Variants in CATSPERE observed in about 807,000 individuals in gnomAD.
The protein encoded by CATSPERE is cation channel sperm-associated auxiliary subunit epsilon.
CATSPERE carries 93 observed loss-of-function variants against 114.1 expected under a neutral mutation model. That is an observed-to-expected ratio of 0.81 (90% CI 0.69 to 0.97). The LOEUF is 0.97. Ranked by LOEUF, CATSPERE falls within the 50% of genes least tolerant of loss-of-function variation. The pLI is 0.00. For synonymous variants in CATSPERE, 341 were observed against 384.1 expected, an observed-to-expected ratio of 0.89 and a Z score of 1.31; for missense variants, 1,058 against 1,131.6, an observed-to-expected ratio of 0.93 and a Z score of 0.93.
At chr1:244,625,422 A>ATTTTTTTTTTTTT (rs1349807713) in intron 20 of CATSPERE, among the ~76,000 whole-genome samples, 1 of 4,040 alleles carries the variant, frequency 2.5e-4, no homozygotes, top group Non-Finnish European at 7.0e-4. Flanking sequence ...ATATATATAT[A>ATTTTTTTTTTTTT]TATATATATA....
upstream of CATSPERE, among the ~76,000 whole-genome samples, chr1:244,452,368 T>C (rs991339775): frequency 1.3e-5 from 2 of 152,240 alleles, no homozygotes; most frequent in Non-Finnish European, 2.9e-5. Context: ...AAGGAATGAA[T>C]GTGTACAAAA....
At chr1:244,621,315 A>AATATATATATATATATAT (rs201672348) in intron 20 of CATSPERE, among the ~76,000 whole-genome samples, 5 of 26,314 alleles carry the variant, frequency 1.9e-4, no homozygotes, top group African/African-American at 4.8e-4. Context: ...AAATATATAA[A>AATATATATATATATATAT]ATATATATAT....
intron 11 of CATSPERE, among the ~76,000 whole-genome samples, 154 bp from the exon 12 acceptor site, chr1:244,581,642 C>G (rs977022131): frequency 1.3e-5 from 2 of 152,276 alleles, no homozygotes; most frequent in Admixed American, 1.3e-4. Context: ...ATCCACCAGT[C>G]AATCTTGTTG....
chr1:244,451,638 G>A (rs534306896), upstream of CATSPERE: 2 of 1,608,992 alleles, frequency 1.2e-6, no homozygotes, highest in East Asian at 2.2e-5. The surrounding 1 kb of genome is among the most constrained non-coding windows in gnomAD (Gnocchi z 6.6). Context: ...GCCTCACCTG[G>A]CAGCGGCACA....
intron 10 of CATSPERE, among the ~76,000 whole-genome samples, chr1:244,564,313 T>G (rs1663067278): frequency 6.6e-6 from 1 of 152,220 alleles, no homozygotes; most frequent in Non-Finnish European, 1.5e-5. Flanking sequence ...CTGATGGGGA[T>G]AGCATTGAAT....
intron 13 of CATSPERE, 135 bp from the exon 14 acceptor site, chr1:244,588,347 G>T: frequency 1.5e-6 from 1 of 669,248 alleles, no homozygotes; most frequent in South Asian, 1.8e-5. Flanking sequence ...AAACAGTGCA[G>T]AGCAGTGGTA....
chr1:244,457,513 G>C (rs1666265637), upstream of CATSPERE: 1 of 152,152 alleles, frequency 6.6e-6, no homozygotes, highest in Non-Finnish European at 1.5e-5. Flanking sequence ...GGAGGAGAGA[G>C]AGAAGAGACA....
At chr1:244,548,020 G>A (rs1385640087) in intron 8 of CATSPERE, among the ~76,000 whole-genome samples, 2 of 152,224 alleles carry the variant, frequency 1.3e-5, no homozygotes, top group African/African-American at 2.4e-5. Flanking sequence ...GGATGATTAG[G>A]TACTTCAAAA....
chr1:244,560,968 A>G lies in CATSPERE; in HGVS notation c.1330A>G (p.Ser444Gly). ...CTTTACATTAGATGCCCCTATTGAC[A>G]GTGTTACCATGCCACATTTTACATT... ...QDFTLDAPID[S>G]VTMPHFTFSA... Residue 444 changes from serine to glycine, a missense_variant, in exon 10 of 22, where the codon AGT becomes GGT. This residue lies in a region of CATSPERE where 787 missense variants were observed against 905.6 expected (regional missense o/e 0.87). Transcript: ENST00000366534. 1 of 1,614,160 alleles carries G rather than the reference A, an allele frequency of 6.2e-7. No homozygotes were observed. Among genetic ancestry groups the G allele is most frequent in the East Asian group, 2.2e-5 (1 of 44,870 alleles).
chr1:244,597,498 T>C (rs1180818720), intron 17 of CATSPERE, among the ~76,000 whole-genome samples: 2 of 151,606 alleles, frequency 1.3e-5, no homozygotes, highest in Non-Finnish European at 2.9e-5. Flanking sequence ...TCCTTGCTGG[T>C]AGCACCCCCT....
intron 8 of CATSPERE, among the ~76,000 whole-genome samples, chr1:244,543,323 G>C (rs1241238884): frequency 6.6e-6 from 1 of 152,106 alleles, no homozygotes; most frequent in Non-Finnish European, 1.5e-5. Context: ...AGGAAATTCT[G>C]TCACGTGCAA....
intron 2 of CATSPERE, among the ~76,000 whole-genome samples, chr1:244,469,458 T>C (rs1054057594): frequency 3.3e-5 from 5 of 152,142 alleles, no homozygotes; most frequent in Non-Finnish European, 7.4e-5. Context: ...CCCATACATA[T>C]CCTTTCATCC....
At chr1:244,483,243 T>C (rs1670524186) in intron 5 of CATSPERE, among the ~76,000 whole-genome samples, 1 of 152,206 alleles carries the variant, frequency 6.6e-6, no homozygotes, top group African/African-American at 2.4e-5. Context: ...GATAATAATA[T>C]GCACTTTAAG....
rs774685397 is a variant in CATSPERE, at chr1:244,552,825, G to T, written c.1029+11G>T. On this transcript the variant is annotated intron_variant, in intron 9 of 21. Coordinates refer to ENST00000366534, the MANE Select transcript of CATSPERE (RefSeq NM_001130957.2). ...AATTATTTATTAAAGGTTAGTAAAA[G>T]ATATTTTATATTTTATAAATATATT... The T allele has an allele frequency of 1.6e-6, 2 of 1,262,918 alleles. No individual in the cohort carries two copies. Among genetic ancestry groups the T allele is most frequent in the Non-Finnish European group, 2.1e-6 (2 of 956,028 alleles). The allele number at this position is 1,262,918 out of a possible 1,614,324, so 78.2% of individuals were successfully genotyped here.
At chr1:244,621,156 A>ATATATC (rs1558610057) in intron 20 of CATSPERE, among the ~76,000 whole-genome samples, 23 of 53,582 alleles carry the variant, frequency 4.3e-4, no homozygotes, top group South Asian at 5.0e-4. Flanking sequence ...ATATTATAAA[A>ATATATC]TATATATATT....
Position 244,607,115 on chromosome 1 carries a change from CCTT to C in CATSPERE, c.2403+1326_2403+1328del, listed in dbSNP as rs145328567. The stretch of plus-strand genomic sequence containing the variant: ...TGCCTCAAGGTTAAACGCTCTAGAT[CCTT>C]CTTCAATAAAAGTTCCTCAGAGGAC... On this transcript the variant is annotated intron_variant, in intron 18 of 21. Coordinates refer to ENST00000366534, the MANE Select transcript of CATSPERE (RefSeq NM_001130957.2). This position sits in a 1 kb window ranked among gnomAD's most constrained non-coding sequence, Gnocchi z 4.4. Among the ~76,000 whole-genome samples the C allele has an allele frequency of 2.5e-3, 376 of 152,108 alleles. 5 individuals are homozygous for C. Among genetic ancestry groups the C allele is most frequent in the East Asian group, 0.014 (71 of 5,166 alleles).
chr1:244,629,979 T>A lies in CATSPERE; in HGVS notation c.2649-5510T>A, dbSNP rs115916292. Among the ~76,000 whole-genome samples, 880 of 152,298 alleles carry A rather than the reference T, an allele frequency of 5.8e-3. 13 individuals carry two copies. Among genetic ancestry groups the A allele is most frequent in the African/African-American group, 0.021 (852 of 41,552 alleles). Reference sequence around the variant, plus strand: ...TTACTAATATATCTGCAGTACCTGCTACCTCCTGCCCTCCAGGTCATGTAT... The same window carrying A: ...TTACTAATATATCTGCAGTACCTGCAACCTCCTGCCCTCCAGGTCATGTAT... On this transcript the variant is annotated intron_variant, in intron 20 of 21. Transcript: ENST00000366534.
intron 5 of CATSPERE, among the ~76,000 whole-genome samples, chr1:244,481,588 T>G (rs1033339030): frequency 6.6e-6 from 1 of 152,134 alleles, no homozygotes; most frequent in Non-Finnish European, 1.5e-5. Flanking sequence ...GAGAAGATAA[T>G]CTGTTGCCAT....
In CATSPERE at chr1:244,571,225, A is replaced by G. The variant is rs565853070; in HGVS notation, c.1508-1105A>G. Among the ~76,000 whole-genome samples, 56 of 152,322 alleles carry G rather than the reference A, an allele frequency of 3.7e-4. 1 individual carries two copies. Among genetic ancestry groups the G allele is most frequent in the African/African-American group, 1.3e-3 (53 of 41,562 alleles). ...GATAAGTTTAAGTAGAATACAATTT[A>G]TAGTAATTTGTAAAAATGTTACTGA... On this transcript the variant is annotated intron_variant, in intron 10 of 21. Transcript: ENST00000366534.
Sources: allele counts gnomAD v4.1 joint callset (sites outside exome capture counted in the v4.1 genomes callset), GRCh38; gene constraint gnomAD v4.1.1; regional missense constraint gnomAD v4.1.1; non-coding constraint Gnocchi (gnomAD v3.1); transcripts MANE v1.5; gene names NCBI Gene and HGNC (gene_info 2026-07-23, HGNC 2026-07-21).